ZNF487: variants seen among roughly 807,000 people sequenced by gnomAD.
ZNF487 encodes KRAB domain only 1.
In ZNF487, 4 loss-of-function variants were observed where a neutral mutation model predicts 3.0. The ratio of observed to expected loss-of-function variants is 1.35; its 90% confidence interval spans 0.66 to 3.08. ZNF487 has a LOEUF of 3.08. Ranked by LOEUF, ZNF487 falls within the 30% of genes most tolerant of loss-of-function variation. The pLI is 0.01. For synonymous variants in ZNF487, 55 were observed against 34.6 expected (o/e 1.59, Z -2.06); for missense variants, 146 against 98.7 (o/e 1.48, Z -2.03).
rs1372901347 is a variant in ZNF487 at position 43,480,043 on chromosome 10, CTTTTT to C, written c.131-1385_131-1381del. 8.2e-5 allele frequency among the ~76,000 whole-genome samples: 4 copies of C among 48,756 alleles called. No individual in the cohort carries two copies. The South Asian group carries it at 1.9e-3, about 23-fold the overall frequency. The allele number at this position is 48,756 out of a possible 152,430, so 32.0% of individuals were successfully genotyped here. A position where few individuals can be genotyped will look rare whatever the true frequency, so the allele number is the denominator to read the frequency against. ...TCTTTCTTTCTTTCTTTCTTTCTTTCTTTTTCTTTCTTTCTTCCTTGCTTCCTTCC... is the reference window on the plus strand; with the variant it reads ...TCTTTCTTTCTTTCTTTCTTTCTTTCCTTTCTTTCTTCCTTGCTTCCTTCC... On this transcript the variant is annotated intron_variant, in intron 3 of 3. Transcript: ENST00000437590.
chr10:43,466,807 G>A lies in ZNF487; in HGVS notation c.-93-8914G>A, dbSNP rs73255831. On this transcript the variant is annotated intron_variant, in intron 1 of 3. Coordinates refer to ENST00000437590, the MANE Select transcript of ZNF487 (RefSeq NM_001355444.3). ...CAAGCTAGTCACATAAGAGCTATGAGGTATGAAATTAATGTTGTTTTCATG... is the reference window on the plus strand; with the variant it reads ...CAAGCTAGTCACATAAGAGCTATGAAGTATGAAATTAATGTTGTTTTCATG... Among the ~76,000 whole-genome samples, 1,149 of 152,254 alleles carry A rather than the reference G, an allele frequency of 7.5e-3. 14 individuals are homozygous for A. Among genetic ancestry groups the A allele is most frequent in the African/African-American group, 0.026 (1,088 of 41,538 alleles).
chr10:43,455,681 C>T (rs1177386143), intron 1 of ZNF487, among the ~76,000 whole-genome samples: 1 of 152,240 alleles, frequency 6.6e-6, no homozygotes, highest in East Asian at 1.9e-4. Context: ...GGCCCATTTC[C>T]GAGAGTGGCA....
downstream of ZNF487, among the ~76,000 whole-genome samples, chr10:43,485,884 C>G (rs1449839774): frequency 6.6e-6 from 1 of 152,112 alleles, no homozygotes; most frequent in Non-Finnish European, 1.5e-5. Context: ...TTCAGTAAAT[C>G]ATTTTTTTTC....
chr10:43,468,428 C>T (rs1840781835), intron 1 of ZNF487, among the ~76,000 whole-genome samples: 1 of 151,954 alleles, frequency 6.6e-6, no homozygotes, highest in Non-Finnish European at 1.5e-5. Context: ...TCCTGTAACC[C>T]CAGCACTTTT....
chr10:43,504,009 A>C, the ZNF487 span, among the ~76,000 whole-genome samples: 2 of 152,242 alleles, frequency 1.3e-5, no homozygotes, highest in Non-Finnish European at 2.9e-5. Context: ...CAGTATAGTC[A>C]CATGCTATAC....
chr10:43,520,365 C>T, the ZNF487 span, among the ~76,000 whole-genome samples: 101,189 of 152,102 alleles, frequency 0.67, 34,439 homozygotes, highest in East Asian at 0.99. Flanking sequence ...TTTAAGTAGA[C>T]ATGCTAAGGT....
chr10:43,462,496 A>G (rs1840468419), intron 1 of ZNF487, among the ~76,000 whole-genome samples: 1 of 130,744 alleles, frequency 7.6e-6, no homozygotes, highest in Non-Finnish European at 1.6e-5. Context: ...TCCCTCTGTC[A>G]CCAGGCTGGA....
chr10:43,485,928 C>T (rs1841466672), downstream of ZNF487, among the ~76,000 whole-genome samples: 1 of 152,078 alleles, frequency 6.6e-6, no homozygotes, highest in Non-Finnish European at 1.5e-5. Flanking sequence ...GTAGTATAGA[C>T]AGTTCGCAGT....
At chr10:43,471,442 C>T (rs984014834) in intron 1 of ZNF487, among the ~76,000 whole-genome samples, 11 of 152,166 alleles carry the variant, frequency 7.2e-5, no homozygotes, top group Non-Finnish European at 1.2e-4. Flanking sequence ...CCCCTTGTCT[C>T]GTTGCATGGG....
At chr10:43,462,370 A>G (rs940537641) in intron 1 of ZNF487, among the ~76,000 whole-genome samples, 2 of 149,450 alleles carry the variant, frequency 1.3e-5, no homozygotes, top group African/African-American at 4.9e-5. Flanking sequence ...CTTTGCAGAT[A>G]TTGTGCTTTT....
At chr10:43,479,102 CATATATACACAT>C (rs1251030772) in intron 3 of ZNF487, among the ~76,000 whole-genome samples, 1 of 90,256 alleles carries the variant, frequency 1.1e-5, no homozygotes, top group Non-Finnish European at 2.5e-5. Flanking sequence ...TATATACACA[CATATATACACAT>C]ATATATGTGT....
the ZNF487 span, among the ~76,000 whole-genome samples, chr10:43,493,705 AAAAAATATATAT>A: frequency 0.031 from 2,272 of 72,916 alleles, 63 homozygotes; most frequent in Non-Finnish European, 0.045. Flanking sequence ...GAAAAAAAAA[AAAAAATATATAT>A]ATATATATAT....
chr10:43,466,246 G>A (rs1245677845), intron 1 of ZNF487, among the ~76,000 whole-genome samples: 1 of 151,938 alleles, frequency 6.6e-6, no homozygotes, highest in Non-Finnish European at 1.5e-5. Flanking sequence ...GTTTCACCAT[G>A]TTGGCCAGGC....
At chr10:43,474,664 C>T (rs1313582937) in intron 1 of ZNF487, among the ~76,000 whole-genome samples, 1 of 152,036 alleles carries the variant, frequency 6.6e-6, no homozygotes, top group Non-Finnish European at 1.5e-5. Context: ...CTCACTGCAA[C>T]CTCCACCTCC....
the ZNF487 span, among the ~76,000 whole-genome samples, chr10:43,493,446 G>A: frequency 6.6e-6 from 1 of 151,818 alleles, no homozygotes; most frequent in South Asian, 2.1e-4. Context: ...TGTAATCCCA[G>A]CACTTTGGGA....
Position 43,483,052 on chromosome 10 carries a change from ACAACATAGAGGAAACCCTTGT to A in ZNF487, c.*1137_*1157del, listed in dbSNP as rs1334021253. ...CCCAACTTCACTAAATGTCAGAGAG[ACAACATAGAGGAAACCCTTGT>A]CAACATCCTGAAGGCTCAGAAACCT... is the stretch of plus-strand genomic sequence containing the variant. On this transcript the variant is annotated 3_prime_UTR_variant, in exon 4 of 4. Transcript: ENST00000437590. 2.2e-6 allele frequency: 1 copy of A among 461,004 alleles called. No individual in the cohort carries two copies. Among genetic ancestry groups the A allele is most frequent in the African/African-American group, 2.0e-5 (1 of 50,254 alleles). The allele number at this position is 461,004 out of a possible 1,614,324, so 28.6% of individuals were successfully genotyped here.
intron 1 of ZNF487, chr10:43,453,554 G>A (rs932149106): frequency 8.5e-5 from 13 of 152,134 alleles, no homozygotes; most frequent in Non-Finnish European, 1.8e-4. Context: ...TATGGGGGGA[G>A]AGTTCTGCAG....
downstream of ZNF487, among the ~76,000 whole-genome samples, chr10:43,487,196 G>A (rs1334138129): frequency 2.8e-5 from 4 of 141,780 alleles, no homozygotes; most frequent in African/African-American, 7.9e-5. Flanking sequence ...CTGGAGTGCA[G>A]TGGCACGATC....
intron 1 of ZNF487, among the ~76,000 whole-genome samples, chr10:43,469,414 A>T (rs977446456): frequency 6.6e-5 from 10 of 152,094 alleles, no homozygotes; most frequent in Admixed American, 1.3e-4. Context: ...GCTGGTCTCG[A>T]ACCCCTGACC....
Sources: allele counts gnomAD v4.1 joint callset (sites outside exome capture counted in the v4.1 genomes callset), GRCh38; gene constraint gnomAD v4.1.1; transcripts MANE v1.5; gene names NCBI Gene and HGNC (gene_info 2026-07-23, HGNC 2026-07-21).